Variants in PDE4D observed in about 807,000 individuals in gnomAD.
PDE4D encodes the protein phosphodiesterase 4D.
Under a neutral mutation model 87.4 loss-of-function variants are expected in PDE4D, and 24 were observed. That is an observed-to-expected ratio of 0.27 (90% CI 0.20 to 0.39). The LOEUF (loss-of-function observed/expected upper bound fraction) is 0.39, where lower values mean the gene tolerates loss of function less well. PDE4D is among the 10% of genes least tolerant of loss of function. The pLI is 1.00. For synonymous variants in PDE4D, 384 were observed against 383.2 expected (o/e 1.00, Z -0.02); for missense variants, 714 against 1,041.0 (o/e 0.69, Z 4.32).
At chr5:60,074,066 G>A (rs894169824) in intron 2 of PDE4D, among the ~76,000 whole-genome samples, 2 of 151,980 alleles carry the variant, frequency 1.3e-5, no homozygotes, top group African/African-American at 4.8e-5. Flanking sequence ...TCTTCTGATA[G>A]TTTTGGGGTT....
intron 2 of PDE4D, among the ~76,000 whole-genome samples, chr5:59,201,855 G>A (rs529683667): frequency 3.4e-4 from 52 of 152,066 alleles, no homozygotes; most frequent in Non-Finnish European, 5.9e-4. Flanking sequence ...TTTCAATTTG[G>A]CAAGAATGTC....
chr5:59,416,273 A>C (rs1793596019), intron 1 of PDE4D, among the ~76,000 whole-genome samples: 1 of 152,208 alleles, frequency 6.6e-6, no homozygotes, highest in African/African-American at 2.4e-5. Context: ...CTCAATCTAA[A>C]GCCAATTTTA....
chr5:59,030,404 G>C (rs1757137124), intron 6 of PDE4D, among the ~76,000 whole-genome samples: 1 of 67,346 alleles, frequency 1.5e-5, no homozygotes, highest in African/African-American at 5.6e-5. Flanking sequence ...AAAGAAATAT[G>C]AATGGCCAAC....
rs1253913337 is a variant in PDE4D, at chr5:60,183,267, T to C, written c.42+2290A>G. On this transcript the variant is annotated intron_variant, in intron 2 of 16. Transcript: ENST00000502484. ...TTAAGCCACCTAGTCTATGGTATAT[T>C]GTAGCCCAAGCTGATTAATATACTC... 5.3e-5 allele frequency among the ~76,000 whole-genome samples: 8 copies of C among 152,226 alleles called. No homozygotes were observed. In the East Asian group the frequency reaches 1.5e-3, roughly 29 times the overall value.
At chr5:59,795,485 T>G (rs567116247) in intron 1 of PDE4D, among the ~76,000 whole-genome samples, 1 of 152,162 alleles carries the variant, frequency 6.6e-6, no homozygotes, top group Non-Finnish European at 1.5e-5. Flanking sequence ...CCAAAAACTT[T>G]TATGAAATTA....
intron 1 of PDE4D, among the ~76,000 whole-genome samples, chr5:59,688,645 G>T (rs559301950): frequency 2.4e-3 from 368 of 152,014 alleles, no homozygotes; most frequent in Non-Finnish European, 4.1e-3. Flanking sequence ...CACCCTAACA[G>T]CACAATTAAA....
chr5:60,015,939 G>C (rs996504629), intron 2 of PDE4D, among the ~76,000 whole-genome samples: 1 of 150,754 alleles, frequency 6.6e-6, no homozygotes, highest in African/African-American at 2.4e-5. Flanking sequence ...CCAGGCTGGA[G>C]TGCAGTGGCA....
intron 2 of PDE4D, among the ~76,000 whole-genome samples, chr5:59,201,203 A>G (rs1388334369): frequency 6.6e-6 from 1 of 152,120 alleles, no homozygotes. Context: ...AAACATGCTT[A>G]TTTTAATTAA....
At chr5:59,494,936 T>C (rs1365018738) in intron 1 of PDE4D, among the ~76,000 whole-genome samples, 1 of 152,154 alleles carries the variant, frequency 6.6e-6, no homozygotes, top group African/African-American at 2.4e-5. Context: ...AAAAAGCTAG[T>C]TTTTAACACA....
At chr5:59,369,074 C>T (rs1442852135) in intron 1 of PDE4D, among the ~76,000 whole-genome samples, 5 of 152,186 alleles carry the variant, frequency 3.3e-5, no homozygotes, top group Non-Finnish European at 7.3e-5. Flanking sequence ...TCCCCAAGAT[C>T]CCTTAGCTTC....
At chr5:59,380,940 A>T (rs559806833) in intron 1 of PDE4D, among the ~76,000 whole-genome samples, 18 of 152,328 alleles carry the variant, frequency 1.2e-4, no homozygotes, top group Admixed American at 3.9e-4. Flanking sequence ...TTGTCTACAG[A>T]TAACTGCATT....
At chr5:59,495,436 C>T (rs997696694) in intron 1 of PDE4D, among the ~76,000 whole-genome samples, 2 of 152,120 alleles carry the variant, frequency 1.3e-5, no homozygotes, top group Non-Finnish European at 2.9e-5. Flanking sequence ...CCTCAATCTC[C>T]ATGTCTCCAT....
chr5:59,204,002 A>C (rs27641), intron 2 of PDE4D, among the ~76,000 whole-genome samples: 70,905 of 151,898 alleles, frequency 0.47, 17,589 homozygotes, highest in African/African-American at 0.63. Flanking sequence ...CTGAGAGTAG[A>C]TTTTAAATGT....
chr5:60,140,909 GCCTTTATTAAA>G (rs1272684368), intron 2 of PDE4D, among the ~76,000 whole-genome samples: 1 of 152,116 alleles, frequency 6.6e-6, no homozygotes, highest in Non-Finnish European at 1.5e-5. Context: ...GTGGGCTTAG[GCCTTTATTAAA>G]CCTTTATTAA....
Position 60,298,028 on chromosome 5 carries a change from T to C in PDE4D, c.-89-112341A>G, listed in dbSNP as rs191352155. ...TTTCTCAATTATCAAATTCTTTTTG[T>C]ACTTTCAGATAATCCCTCTACTTGA... On this transcript the variant is annotated intron_variant, in intron 1 of 16. Coordinates refer to the PDE4D transcript ENST00000502484. 2.8e-4 allele frequency among the ~76,000 whole-genome samples: 43 copies of C among 152,332 alleles called. 1 individual carries two copies. The East Asian group carries it at 5.0e-3, about 18-fold the overall frequency.
At chr5:59,343,238 C>A (rs1023647851) in intron 1 of PDE4D, among the ~76,000 whole-genome samples, 3 of 152,050 alleles carry the variant, frequency 2.0e-5, no homozygotes, top group African/African-American at 7.2e-5. Context: ...TAATGATAGT[C>A]ACCATGTTGT....
intron 2 of PDE4D, chr5:60,185,409 A>T: frequency 2.0e-6 from 1 of 491,210 alleles, no homozygotes; most frequent in Non-Finnish European, 3.7e-6. Flanking sequence ...TTGTTTGTTA[A>T]TAAGCTGTGT....
At chr5:59,038,306 A>G (rs947469834) in intron 6 of PDE4D, among the ~76,000 whole-genome samples, 6 of 152,170 alleles carry the variant, frequency 3.9e-5, no homozygotes, top group African/African-American at 1.4e-4. Context: ...TCCAAGATTA[A>G]TGGAAACAAA....
chr5:59,431,612 T>G (rs781229734), intron 1 of PDE4D, among the ~76,000 whole-genome samples: 10 of 151,928 alleles, frequency 6.6e-5, no homozygotes, highest in Admixed American at 1.3e-4. Context: ...TTTGAAAGAG[T>G]AGATAATTTT....
Sources: allele counts gnomAD v4.1 joint callset (sites outside exome capture counted in the v4.1 genomes callset), GRCh38; gene constraint gnomAD v4.1.1; transcripts MANE v1.5; gene names NCBI Gene and HGNC (gene_info 2026-07-23, HGNC 2026-07-21).